Variants in TRPM2 observed in about 807,000 individuals in gnomAD.
The protein encoded by TRPM2 is transient receptor potential cation channel subfamily M member 2, also known as estrogen-responsive element-associated gene 1 protein.
A neutral mutation model predicts 174.0 loss-of-function variants in TRPM2; 161 were observed. The observed-to-expected ratio is 0.93, with a 90% confidence interval of 0.81 to 1.05. TRPM2 has a LOEUF of 1.05. TRPM2 is among the 50% of genes least tolerant of loss of function. TRPM2 has a pLI of 0.00. For missense variants in TRPM2, 2,057 were observed against 2,038.0 expected (o/e 1.01, Z -0.18); for synonymous variants, 954 against 861.3 (o/e 1.11, Z -1.88).
chr21:44,422,766 C>T (rs1350952593), intron 22 of TRPM2, among the ~76,000 whole-genome samples: 2 of 148,524 alleles, frequency 1.3e-5, no homozygotes, highest in Non-Finnish European at 1.5e-5. Context: ...ATAATAGCGC[C>T]GCTCTACAAC....
At position 44,439,023 on chromosome 21, in the gene TRPM2, G is replaced by A. The variant is rs370216550; in HGVS notation, c.4168-44G>A. 48 of 1,555,138 alleles carry A rather than the reference G, an allele frequency of 3.1e-5. No individual in the cohort carries two copies. The Middle Eastern group carries it at 5.5e-4, about 18-fold the overall frequency. On this transcript the variant is annotated intron_variant, in intron 29 of 31. Coordinates refer to ENST00000397928, the MANE Select transcript of TRPM2 (RefSeq NM_003307.4). The surrounding 1 kb of genome is among the most constrained non-coding windows in gnomAD (Gnocchi z 5.1). ...GGGTGCCAGGGCAGCCTGAGGTCCC[G>A]CTTCGGTGCCCTGTTGACCTGCCTC...
chr21:44,425,941 A>AG, intron 25 of TRPM2, 114 bp downstream of exon 25: 1 of 1,296,116 alleles, frequency 7.7e-7, no homozygotes, highest in Non-Finnish European at 1.0e-6. Flanking sequence ...CTGCAGCCAC[A>AG]GGGGGATCTG....
At chr21:44,365,203 G>T (rs1403416441) in intron 3 of TRPM2, among the ~76,000 whole-genome samples, 4 of 152,214 alleles carry the variant, frequency 2.6e-5, no homozygotes, top group Non-Finnish European at 5.9e-5. Context: ...CTTCTGGAGG[G>T]TTCTGAGACT....
At chr21:44,431,487 T>C (rs2051020759) in intron 27 of TRPM2, among the ~76,000 whole-genome samples, 1 of 152,122 alleles carries the variant, frequency 6.6e-6, no homozygotes, top group African/African-American at 2.4e-5. Context: ...TTTTTTATCT[T>C]GAGATGGAGT....
At chr21:44,353,905 C>T in intron 1 of TRPM2, 40 bp downstream of exon 1, 1 of 1,581,144 alleles carries the variant, frequency 6.3e-7, no homozygotes, top group East Asian at 2.4e-5. Flanking sequence ...GGCACGTGGC[C>T]ACGGAGGTCA....
chr21:44,377,629 C>A (rs1461786837), intron 6 of TRPM2, 83 bp from the exon 7 acceptor site: 2 of 1,578,334 alleles, frequency 1.3e-6, no homozygotes, highest in African/African-American at 2.7e-5. Context: ...TCACTCGGCT[C>A]CATGCTTTGT....
intron 5 of TRPM2, among the ~76,000 whole-genome samples, chr21:44,375,437 C>T (rs2048670185): frequency 1.3e-5 from 2 of 152,220 alleles, no homozygotes; most frequent in Admixed American, 1.3e-4. Context: ...GAAACAGCAG[C>T]ATTGTGGTCT....
At chr21:44,408,120 A>T (rs1356107680) in intron 19 of TRPM2, among the ~76,000 whole-genome samples, 1 of 151,366 alleles carries the variant, frequency 6.6e-6, no homozygotes, top group African/African-American at 2.4e-5. Flanking sequence ...TAATTTTTGT[A>T]TTTTTTTGTA....
chr21:44,381,565 G>A (rs1424118139), intron 8 of TRPM2, among the ~76,000 whole-genome samples: 5 of 151,642 alleles, frequency 3.3e-5, no homozygotes, highest in African/African-American at 1.2e-4. Flanking sequence ...TAGATGATAG[G>A]TAGATTAGAT....
chr21:44,372,136 A>T (rs187188542), intron 5 of TRPM2, among the ~76,000 whole-genome samples: 1 of 151,840 alleles, frequency 6.6e-6, no homozygotes, highest in East Asian at 1.9e-4. Flanking sequence ...AAACCAAACC[A>T]AACCAAACAA....
chr21:44,395,398 G>A lies in TRPM2; in HGVS notation c.1795-16G>A, dbSNP rs566208582. 1.2e-5 allele frequency: 20 copies of A among 1,612,200 alleles called. No homozygotes were observed. In the East Asian group the frequency reaches 2.9e-4, roughly 23 times the overall value. ...AGGCGGCCCGGCTGGGGCTCTGACA[G>A]TTCACTGCTCACCAGGTGCAGGGAG... On this transcript the variant is annotated splice_polypyrimidine_tract_variant and intron_variant, in intron 11 of 31. Transcript: ENST00000397928.
At chr21:44,358,861 C>T (rs9974813) in intron 2 of TRPM2, among the ~76,000 whole-genome samples, 42,245 of 152,028 alleles carry the variant, frequency 0.28, 6,850 homozygotes, top group African/African-American at 0.46. Context: ...CGGTGAGTGT[C>T]ACAGCTCTTG....
Position 44,353,739 on chromosome 21 carries a change from G to C in TRPM2, c.39G>C (p.Gln13His). 1 of 1,586,086 alleles carries C rather than the reference G, an allele frequency of 6.3e-7. No individual in the cohort carries two copies. ...PSALRKAGSE[Q>H]EEGFEGLPRR... The stretch of plus-strand genomic sequence containing the variant: ...CCCTGAGGAAAGCTGGCTCGGAGCA[G>C]GAGGAGGGCTTTGAGGGGCTGCCCA... Residue 13 changes from glutamine (Q) to histidine (H), a missense_variant, in exon 1 of 32, where the codon CAG becomes CAC. Transcript: ENST00000397928.
At chr21:44,395,658 T>G in intron 12 of TRPM2, 107 bp downstream of exon 12, 8 of 1,315,888 alleles carry the variant, frequency 6.1e-6, no homozygotes, top group East Asian at 2.4e-5. Context: ...CAAGTGCACG[T>G]GGAGGCTGTG....
intron 2 of TRPM2, among the ~76,000 whole-genome samples, chr21:44,359,157 G>C (rs2048141892): frequency 6.6e-6 from 1 of 151,234 alleles, no homozygotes; most frequent in South Asian, 2.1e-4. Context: ...TGTGCTGATT[G>C]GTCCATTTTA....
At chr21:44,426,552 T>C in intron 25 of TRPM2, 108 bp from the exon 26 acceptor site, 1 of 1,104,838 alleles carries the variant, frequency 9.1e-7, no homozygotes, top group African/African-American at 1.5e-5. Flanking sequence ...CATGTTGGGA[T>C]GTTGGGGTCG....
At chr21:44,425,881 G>A in intron 25 of TRPM2, 54 bp downstream of exon 25, 1 of 1,475,364 alleles carries the variant, frequency 6.8e-7, no homozygotes, top group Non-Finnish European at 9.0e-7. Flanking sequence ...CTGGGGAGGG[G>A]AGGGCGGCCC....
chr21:44,350,238 G>T, upstream of TRPM2: 1 of 152,192 alleles, frequency 6.6e-6, no homozygotes, highest in South Asian at 1.9e-4. Flanking sequence ...GCTGCGCGGG[G>T]ACGCGGGTGA....
intron 12 of TRPM2, among the ~76,000 whole-genome samples, chr21:44,397,369 TA>T (rs976718443): frequency 3.3e-5 from 5 of 152,022 alleles, no homozygotes; most frequent in African/African-American, 1.2e-4. Flanking sequence ...AAAGTTCTGC[TA>T]AAAAAAACTG....
Sources: allele counts gnomAD v4.1 joint callset (sites outside exome capture counted in the v4.1 genomes callset), GRCh38; gene constraint gnomAD v4.1.1; non-coding constraint Gnocchi (gnomAD v3.1); transcripts MANE v1.5; gene names NCBI Gene and HGNC (gene_info 2026-07-23, HGNC 2026-07-21).